Variants in WDR12 observed in about 807,000 individuals in gnomAD.
WDR12 encodes the protein WD repeat domain 12.
WDR12 carries 42 observed loss-of-function variants against 64.3 expected under a neutral mutation model. The observed-to-expected ratio is 0.65, with a 90% CI of 0.51 to 0.84. The LOEUF is 0.84. Ranked by LOEUF, WDR12 falls within the 40% of genes least tolerant of loss-of-function variation. WDR12 has a pLI of 0.00. For missense variants in WDR12, 469 were observed against 494.6 expected (o/e 0.95, Z 0.49); for synonymous variants, 158 against 173.3 (o/e 0.91, Z 0.70).
At chr2:202,886,350 T>C (rs1688047221) in intron 8 of WDR12, among the ~76,000 whole-genome samples, 1 of 151,876 alleles carries the variant, frequency 6.6e-6, no homozygotes, top group South Asian at 2.1e-4. Context: ...CTCAGCTACC[T>C]GAGAGGCTTA....
At chr2:202,905,550 T>C (rs920076880) in intron 2 of WDR12, among the ~76,000 whole-genome samples, 9 of 152,178 alleles carry the variant, frequency 5.9e-5, no homozygotes, top group Non-Finnish European at 8.8e-5. Flanking sequence ...ACAACTACTA[T>C]GGAGAACAGT....
rs2105901650 is a variant in WDR12 at position 202,880,541 on chromosome 2, C to A, written c.*319G>T. On this transcript the variant is annotated 3_prime_UTR_variant, in exon 13 of 13. Coordinates refer to ENST00000261015, the MANE Select transcript of WDR12 (RefSeq NM_018256.4). ...CCAGCCTAGGCAACAGAGCAAGACT[C>A]CATCTCAAAAAAAAAAAAAACAAAT... 6.0e-6 allele frequency: 1 copy of A among 167,986 alleles called. No individual in the cohort carries two copies. The highest frequency in any genetic ancestry group is 2.5e-5 in the African/African-American group (1 of 40,070). The allele number at this position is 167,986 out of a possible 1,614,324, so 10.4% of individuals were successfully genotyped here. A position where few individuals can be genotyped will look rare whatever the true frequency, so the allele number is the denominator to read the frequency against.
intron 1 of WDR12, among the ~76,000 whole-genome samples, chr2:202,909,681 C>T (rs1688530165): frequency 6.6e-6 from 1 of 152,126 alleles, no homozygotes; most frequent in Non-Finnish European, 1.5e-5. Context: ...ATATAATTCA[C>T]ATATATGTAT....
intron 4 of WDR12, among the ~76,000 whole-genome samples, chr2:202,899,032 GTTTTTTTTTTTT>G (rs779419072): frequency 5.4e-4 from 40 of 73,676 alleles, no homozygotes; most frequent in African/African-American, 2.0e-3. Flanking sequence ...AATACCTGTG[GTTTTTTTTTTTT>G]TTTTTTTTTT....
chr2:202,886,414 T>C (rs1376342443), intron 8 of WDR12, among the ~76,000 whole-genome samples: 1 of 151,594 alleles, frequency 6.6e-6, no homozygotes, highest in Non-Finnish European at 1.5e-5. Context: ...GCTGAGATTG[T>C]GCCACTGCAC....
At chr2:202,907,228 T>C (rs1377646294) in intron 2 of WDR12, among the ~76,000 whole-genome samples, 1 of 152,208 alleles carries the variant, frequency 6.6e-6, no homozygotes, top group Non-Finnish European at 1.5e-5. Context: ...ATTACAAACT[T>C]CAACAATTAT....
chr2:202,899,032 G>GTTTTT lies in WDR12; in HGVS notation c.338+494_338+498dup, dbSNP rs779419072. 2.7e-3 allele frequency among the ~76,000 whole-genome samples: 196 copies of GTTTTT among 73,682 alleles called. 27 individuals carry two copies. The highest frequency in any genetic ancestry group is 0.01 in the African/African-American group (191 of 18,520). The allele number at this position is 73,682 out of a possible 152,430, so 48.3% of individuals were successfully genotyped here. A position where few individuals can be genotyped will look rare whatever the true frequency, so the allele number is the denominator to read the frequency against. Reference sequence around the variant, plus strand: ...GAGTACCTATTAATAAATACCTGTGGTTTTTTTTTTTTTTTTTTTTTTTTT... The same window carrying GTTTTT: ...GAGTACCTATTAATAAATACCTGTGGTTTTTTTTTTTTTTTTTTTTTTTTTTTTTT... On this transcript the variant is annotated intron_variant, in intron 4 of 12. Transcript: ENST00000261015.
chr2:202,899,268 T>C lies in WDR12; in HGVS notation c.338+263A>G, dbSNP rs140894449. Among the ~76,000 whole-genome samples, 201 of 151,916 alleles carry C rather than the reference T, an allele frequency of 1.3e-3. 3 individuals carry two copies. In the East Asian group the frequency reaches 0.035, roughly 27 times the overall value. On this transcript the variant is annotated intron_variant, in intron 4 of 12. Transcript: ENST00000261015. ...ACCATGTTAGCCAGGATGGTCTCGATCTCCCAACCTCGTAATCCACCCTCC... is the reference window on the plus strand; with the variant it reads ...ACCATGTTAGCCAGGATGGTCTCGACCTCCCAACCTCGTAATCCACCCTCC...
intron 8 of WDR12, among the ~76,000 whole-genome samples, chr2:202,888,805 T>C (rs565020454): frequency 6.6e-6 from 1 of 152,294 alleles, no homozygotes; most frequent in Admixed American, 6.5e-5. Context: ...CTTGACTTCC[T>C]GGGCTCAAGT....
At chr2:202,884,690 TTC>T (rs1178513752) in intron 8 of WDR12, among the ~76,000 whole-genome samples, 155 bp from the exon 9 acceptor site, 1 of 152,254 alleles carries the variant, frequency 6.6e-6, no homozygotes, top group African/African-American at 2.4e-5. Flanking sequence ...GAATGGATAT[TTC>T]TGTTTTTATT....
chr2:202,905,241 G>C (rs1185674739), intron 2 of WDR12, among the ~76,000 whole-genome samples: 1 of 152,204 alleles, frequency 6.6e-6, no homozygotes, highest in Non-Finnish European at 1.5e-5. Context: ...CGCCTCCCGG[G>C]TTCAAGCAAT....
Position 202,907,876 on chromosome 2 carries a change from T to G in WDR12, c.125A>C (p.Lys42Thr). 6.2e-7 allele frequency: 1 copy of G among 1,613,616 alleles called. No individual in the cohort carries two copies. The highest frequency in any genetic ancestry group is 8.5e-7 in the Non-Finnish European group (1 of 1,179,606). The change falls in exon 2 of 13, where the codon AAG becomes ACG. Residue 42 changes from lysine to threonine, a missense_variant. Coordinates refer to ENST00000261015, the MANE Select transcript of WDR12 (RefSeq NM_018256.4). ...DLSNIINKLL[K>T]DKNEFHKHVE... The stretch of plus-strand genomic sequence containing the variant: ...GCATATATACCCACCATTTTTGTCC[T>G]TTAGTAGTTTATTGATGATGTTACT...
rs373102080 is a variant in WDR12 at position 202,898,836 on chromosome 2, A to T, written c.338+695T>A. On this transcript the variant is annotated intron_variant, in intron 4 of 12. Coordinates refer to ENST00000261015, the MANE Select transcript of WDR12 (RefSeq NM_018256.4). The stretch of plus-strand genomic sequence containing the variant: ...AGATACATGACTTATTCAGAAGACA[A>T]ATATTGCTGGGTGTAGAGAAATCCC... Among the ~76,000 whole-genome samples the T allele has an allele frequency of 7.2e-5, 11 of 152,084 alleles. No homozygotes were observed. In the East Asian group the frequency reaches 1.9e-3, roughly 27 times the overall value.
Position 202,875,917 on chromosome 2 carries a change from C to G in WDR12, c.*4943G>C, listed in dbSNP as rs1687850470. 2.6e-5 allele frequency: 4 copies of G among 152,194 alleles called. No homozygotes were observed. The Middle Eastern group carries it at 0.01, about 388-fold the overall frequency. 9.4% of individuals were successfully genotyped at this position (152,194 alleles called of 1,614,324 possible). A position where few individuals can be genotyped will look rare whatever the true frequency, so the allele number is the denominator to read the frequency against. The stretch of plus-strand genomic sequence containing the variant: ...CCTATAAAATGCAAATAATTTATTA[C>G]CTATAGAGGATTATTATGGTAGGAT... On this transcript the variant is annotated 3_prime_UTR_variant, in exon 13 of 13. Transcript: ENST00000261015.
rs1402446209 is a variant in WDR12, at chr2:202,874,401, G to A, written c.*6459C>T. ...AGACTTTTACAAGCTAACTAGACAA[G>A]AACATTAGATGACTTGGAATGTAGG... On this transcript the variant is annotated 3_prime_UTR_variant, in exon 13 of 13. Coordinates refer to ENST00000261015, the MANE Select transcript of WDR12 (RefSeq NM_018256.4). Among the ~76,000 whole-genome samples, 2 of 152,140 alleles carry A rather than the reference G, an allele frequency of 1.3e-5. No individual in the cohort carries two copies. The highest frequency in any genetic ancestry group is 1.3e-4 in the Admixed American group (2 of 15,266).
In WDR12 at chr2:202,876,353, T is replaced by G. The variant is rs1687858009; in HGVS notation, c.*4507A>C. ...CTGGATGGCAGAGCTAGACTATGTC[T>G]CGTAAAAAGAGATATATTTGGTTCA... On this transcript the variant is annotated 3_prime_UTR_variant, in exon 13 of 13. Transcript: ENST00000261015. 2 of 152,188 alleles carry G rather than the reference T, an allele frequency of 1.3e-5. No individual in the cohort carries two copies. Among genetic ancestry groups the G allele is most frequent in the South Asian group, 4.1e-4 (2 of 4,830 alleles). 9.4% of individuals were successfully genotyped at this position (152,188 alleles called of 1,614,324 possible).
At chr2:202,905,600 T>G (rs946211652) in intron 2 of WDR12, among the ~76,000 whole-genome samples, 2 of 152,212 alleles carry the variant, frequency 1.3e-5, no homozygotes, top group African/African-American at 4.8e-5. Context: ...AGCTACCATA[T>G]GATCCAGCAA....
At chr2:202,898,084 A>G (rs1481938114) in intron 4 of WDR12, among the ~76,000 whole-genome samples, 2 of 151,326 alleles carry the variant, frequency 1.3e-5, no homozygotes, top group African/African-American at 2.4e-5. Context: ...CCCCCACCCA[A>G]AAAAAATCCT....
chr2:202,909,270 A>G (rs2105913344), intron 1 of WDR12, among the ~76,000 whole-genome samples: 1 of 152,376 alleles, frequency 6.6e-6, no homozygotes, highest in Middle Eastern at 3.4e-3. Flanking sequence ...AATAGCTAAA[A>G]GGTATAAACA....
Sources: allele counts gnomAD v4.1 joint callset (sites outside exome capture counted in the v4.1 genomes callset), GRCh38; gene constraint gnomAD v4.1.1; transcripts MANE v1.5; gene names NCBI Gene and HGNC (gene_info 2026-07-23, HGNC 2026-07-21).